Variants in OTOGL observed in about 807,000 individuals in gnomAD.
OTOGL encodes the protein otogelin-like protein.
In OTOGL, 285 loss-of-function variants were observed where a neutral mutation model predicts 318.5. That is an observed-to-expected ratio of 0.89 (90% CI 0.81 to 0.99). The LOEUF (loss-of-function observed/expected upper bound fraction) is 0.99. Ranked by LOEUF, OTOGL falls within the 50% of genes least tolerant of loss-of-function variation. The pLI, the probability that OTOGL is intolerant of heterozygous loss-of-function variation, is 0.00. For synonymous variants in OTOGL, 987 were observed against 936.5 expected (o/e 1.05, Z -0.99); for missense variants, 2,899 against 2,845.6 (o/e 1.02, Z -0.43).
intron 44 of OTOGL, among the ~76,000 whole-genome samples, chr12:80,343,023 A>G: frequency 6.6e-6 from 1 of 152,074 alleles, no homozygotes; most frequent in East Asian, 1.9e-4. Flanking sequence ...CTGGGACTGC[A>G]GGTGCCGGCG....
At chr12:80,099,868 G>A (rs1464729369) in intron 1 of OTOGL, among the ~76,000 whole-genome samples, 1 of 152,140 alleles carries the variant, frequency 6.6e-6, no homozygotes, top group Non-Finnish European at 1.5e-5. Flanking sequence ...TCACTCAGTT[G>A]GAAAAATCAA....
chr12:80,193,802 T>C (rs1875864407), intron 1 of OTOGL, among the ~76,000 whole-genome samples: 1 of 152,194 alleles, frequency 6.6e-6, no homozygotes, highest in South Asian at 2.1e-4. Context: ...AAAGTCCTTT[T>C]GTTTAGACAG....
At chr12:80,238,640 G>A (rs1565919885) in intron 9 of OTOGL, among the ~76,000 whole-genome samples, 2 of 151,980 alleles carry the variant, frequency 1.3e-5, no homozygotes, top group Non-Finnish European at 2.9e-5. Context: ...CTTTCCAATG[G>A]AACTAACTTT....
intron 26 of OTOGL, among the ~76,000 whole-genome samples, chr12:80,294,078 G>C (rs1442865125): frequency 3.3e-5 from 5 of 152,074 alleles, no homozygotes; most frequent in Admixed American, 3.3e-4. Context: ...GAGGAGCCCA[G>C]GTGACACATT....
At chr12:80,293,748 A>G (rs1377381761) in intron 26 of OTOGL, among the ~76,000 whole-genome samples, 2 of 152,136 alleles carry the variant, frequency 1.3e-5, no homozygotes, top group East Asian at 3.9e-4. Context: ...CATTAAAAAA[A>G]ATCAGTATTT....
chr12:80,349,038 A>G (rs1380197970), intron 44 of OTOGL, among the ~76,000 whole-genome samples: 2 of 152,184 alleles, frequency 1.3e-5, no homozygotes, highest in African/African-American at 4.8e-5. Context: ...TCATCAGTTA[A>G]TAAGTAAGTA....
intron 35 of OTOGL, among the ~76,000 whole-genome samples, chr12:80,324,571 T>G (rs1887557800): frequency 6.6e-6 from 1 of 152,192 alleles, no homozygotes; most frequent in Non-Finnish European, 1.5e-5. Flanking sequence ...TGGCATGATC[T>G]GATTTATGTT....
intron 1 of OTOGL, among the ~76,000 whole-genome samples, chr12:80,116,974 T>C (rs1198525694): frequency 6.6e-6 from 1 of 152,196 alleles, no homozygotes; most frequent in African/African-American, 2.4e-5. Flanking sequence ...GGTGGGGCTC[T>C]ATGCTCCAGT....
intron 1 of OTOGL, chr12:80,208,110 A>G (rs1158637267): frequency 1.1e-5 from 5 of 462,478 alleles, no homozygotes; most frequent in Non-Finnish European, 2.2e-5. Context: ...CTACTTTATA[A>G]TTTTAGTGAA....
In OTOGL at chr12:80,339,162, A is replaced by G. The variant is rs770277934; in HGVS notation, c.4948A>G (p.Thr1650Ala). 18 of 1,610,564 alleles carry G rather than the reference A, an allele frequency of 1.1e-5. No homozygotes were observed. The highest frequency in any genetic ancestry group is 1.1e-5 in the Non-Finnish European group (13 of 1,177,200). The change falls in exon 43 of 59, where the codon ACT becomes GCT. Residue 1650 changes from threonine to alanine, a missense_variant. Physicochemically the swap from Thr to Ala is moderately conservative, Grantham distance 58 (BLOSUM62 0). This residue lies in a region of OTOGL where 2,607 missense variants were observed against 2,524.9 expected (regional missense o/e 1.03). Transcript: ENST00000547103. ...EDSGSMYVIT[T>A]PAGLIIKWSH... ...TTCTGGTTCAATGTATGTAATTACT[A>G]CTCCAGCTGGACTAATCATAAAGTG... is the stretch of plus-strand genomic sequence containing the variant.
intron 19 of OTOGL, among the ~76,000 whole-genome samples, chr12:80,262,581 G>A (rs888875943): frequency 6.6e-6 from 1 of 152,048 alleles, no homozygotes; most frequent in Non-Finnish European, 1.5e-5. Context: ...TTGTGCCATT[G>A]AGTGGGCAAC....
rs1443518921 is a variant in OTOGL at position 80,358,731 on chromosome 12, T to C, written c.6182T>C (p.Val2061Ala). 6.2e-7 allele frequency: 1 copy of C among 1,612,946 alleles called. No homozygotes were observed. Among genetic ancestry groups the C allele is most frequent in the Non-Finnish European group, 8.5e-7 (1 of 1,179,310 alleles). ...LLNCAEDMNL[V>A]KENVSGQCCP... ...AACTGTGCAGAAGATATGAATCTTG[T>C]GAAAGAAAATGTATCTGGTCAATGT... Residue 2061 changes from valine to alanine, a missense_variant, in exon 51 of 59, where the codon GTG becomes GCG. Around this residue, in one of 3 missense-constraint regions of OTOGL, gnomAD observed 2,607 missense variants for 2,524.9 expected, o/e 1.03. Transcript: ENST00000547103.
intron 34 of OTOGL, 21 bp from the exon 35 acceptor site, chr12:80,323,702 C>G: frequency 6.4e-7 from 1 of 1,566,540 alleles, no homozygotes; most frequent in Non-Finnish European, 8.8e-7. Context: ...TGCACACAAT[C>G]TAAACTTTAT....
chr12:80,109,741 C>G (rs1378145308), intron 1 of OTOGL, among the ~76,000 whole-genome samples: 5 of 152,174 alleles, frequency 3.3e-5, no homozygotes, highest in Non-Finnish European at 7.3e-5. Context: ...AGAAGGATAA[C>G]TGGAATAGCA....
At chr12:80,305,728 A>G in intron 29 of OTOGL, 33 bp downstream of exon 29, 1 of 1,412,252 alleles carries the variant, frequency 7.1e-7, no homozygotes, top group South Asian at 1.7e-5. Flanking sequence ...AGAAGTCAAC[A>G]AAAATTTTTA....
intron 11 of OTOGL, among the ~76,000 whole-genome samples, chr12:80,239,786 T>A (rs1235788441): frequency 6.6e-6 from 1 of 152,102 alleles, no homozygotes; most frequent in African/African-American, 2.4e-5. Context: ...TTGATTAATG[T>A]TAGCTATAGT....
chr12:80,122,753 A>C (rs1026641667), intron 1 of OTOGL, among the ~76,000 whole-genome samples: 1 of 152,136 alleles, frequency 6.6e-6, no homozygotes, highest in Non-Finnish European at 1.5e-5. Context: ...GCAAACACTC[A>C]AATAACAGCA....
At chr12:80,182,175 T>TA (rs1301771880) in intron 1 of OTOGL, among the ~76,000 whole-genome samples, 1 of 151,460 alleles carries the variant, frequency 6.6e-6, no homozygotes, top group Non-Finnish European at 1.5e-5. Flanking sequence ...AAAAAGGGGG[T>TA]AAAAAAATTA....
At chr12:80,335,296 A>G (rs1041482454) in intron 38 of OTOGL, among the ~76,000 whole-genome samples, 4 of 152,100 alleles carry the variant, frequency 2.6e-5, no homozygotes, top group African/African-American at 9.7e-5. Flanking sequence ...TTACTTATCT[A>G]TAAAATAAAT....
Sources: gnomAD v4.1 joint callset for allele counts (sites outside exome capture counted in the v4.1 genomes callset) on GRCh38, gnomAD v4.1.1 for gene constraint, gnomAD v4.1.1 regional missense constraint, MANE v1.5 for transcripts, NCBI Gene and HGNC (gene_info 2026-07-23, HGNC 2026-07-21) for gene names.